Variants in DAPK1 observed in about 807,000 individuals in gnomAD.
DAPK1 encodes the protein death associated protein kinase 1, also known as death-associated protein kinase 1.
A neutral mutation model predicts 144.9 loss-of-function variants in DAPK1; 56 were observed. The ratio of observed to expected loss-of-function variants is 0.39; its 90% CI spans 0.31 to 0.48. DAPK1 has a LOEUF of 0.48. DAPK1 is among the 20% of genes least tolerant of loss of function. The pLI is 0.95. For synonymous variants in DAPK1, 690 were observed against 749.0 expected (o/e 0.92, Z 1.29); for missense variants, 1,454 against 1,875.4 (o/e 0.78, Z 4.15).
intron 2 of DAPK1, among the ~76,000 whole-genome samples, chr9:87,561,328 C>T (rs906290451): frequency 3.3e-5 from 5 of 152,076 alleles, no homozygotes; most frequent in African/African-American, 1.2e-4. Flanking sequence ...AGATCGAGAC[C>T]AGCCTGGCTA....
At chr9:87,528,679 G>A (rs1236181735) in intron 2 of DAPK1, among the ~76,000 whole-genome samples, 1 of 151,738 alleles carries the variant, frequency 6.6e-6, no homozygotes, top group Admixed American at 6.6e-5. Context: ...GCTCAGGCCT[G>A]GGCAACATGG....
At chr9:87,570,957 C>T (rs1181418498) in intron 2 of DAPK1, among the ~76,000 whole-genome samples, 1 of 152,162 alleles carries the variant, frequency 6.6e-6, no homozygotes, top group Non-Finnish European at 1.5e-5. Context: ...TAAACACCCC[C>T]AGGATTTGAG....
At position 87,708,593 on chromosome 9, in the gene DAPK1, T is replaced by C. The variant is rs1172977191; in HGVS notation, c.*1229T>C. On this transcript the variant is annotated 3_prime_UTR_variant, in exon 26 of 26. Transcript: ENST00000408954. Reference sequence around the variant, plus strand: ...TAAAATGTCGTTAAAAAGTTGTTTGTTTTTTTCTTTTTTTATAAATAAACT... The same window carrying C: ...TAAAATGTCGTTAAAAAGTTGTTTGCTTTTTTCTTTTTTTATAAATAAACT... 6.6e-6 allele frequency: 1 copy of C among 152,480 alleles called. No homozygotes were observed. The highest frequency in any genetic ancestry group is 1.5e-5 in the Non-Finnish European group (1 of 67,968). The allele number at this position is 152,480 out of a possible 1,614,324, so 9.4% of individuals were successfully genotyped here.
At chr9:87,614,472 T>C (rs1829029244) in intron 3 of DAPK1, among the ~76,000 whole-genome samples, 1 of 152,220 alleles carries the variant, frequency 6.6e-6, no homozygotes, top group African/African-American at 2.4e-5. Context: ...GTGACTATTC[T>C]TAGACTCCTT....
chr9:87,612,374 T>C (rs891754879), intron 3 of DAPK1, among the ~76,000 whole-genome samples: 1 of 152,202 alleles, frequency 6.6e-6, no homozygotes, highest in African/African-American at 2.4e-5. Context: ...AAGAAGGCCC[T>C]GTGGAGACAG....
chr9:87,518,107 T>TTTTTG (rs1554675841), intron 2 of DAPK1, among the ~76,000 whole-genome samples: 1 of 25,330 alleles, frequency 3.9e-5, no homozygotes, highest in African/African-American at 8.4e-5. Flanking sequence ...ATGTTGTTGT[T>TTTTTG]TTTTTTTTTT....
chr9:87,675,895 A>ACACACACACACACACACACACC (rs1179826339), intron 19 of DAPK1, among the ~76,000 whole-genome samples: 37 of 132,886 alleles, frequency 2.8e-4, no homozygotes, highest in African/African-American at 9.8e-4. Context: ...ACACACACAC[A>ACACACACACACACACACACACC]CCCTTATGAC....
intron 2 of DAPK1, among the ~76,000 whole-genome samples, chr9:87,552,078 A>G (rs1826511305): frequency 6.6e-6 from 1 of 152,032 alleles, no homozygotes. Flanking sequence ...CTCACCTTTC[A>G]GGCTGCTGGT....
chr9:87,636,093 G>A (rs1456248585), intron 3 of DAPK1, among the ~76,000 whole-genome samples: 1 of 152,238 alleles, frequency 6.6e-6, no homozygotes, highest in Non-Finnish European at 1.5e-5. Context: ...CAGTGTGGGG[G>A]CTGTGAGGCC....
chr9:87,519,800 T>C (rs1019202908), intron 2 of DAPK1, among the ~76,000 whole-genome samples: 2 of 152,088 alleles, frequency 1.3e-5, no homozygotes, highest in East Asian at 1.9e-4. Flanking sequence ...TCTGCACAGT[T>C]GTAACTGCTC....
At chr9:87,641,114 G>T (rs891026763) in intron 9 of DAPK1, among the ~76,000 whole-genome samples, 3 of 152,220 alleles carry the variant, frequency 2.0e-5, no homozygotes, top group African/African-American at 7.2e-5. Context: ...GACCTGTGGG[G>T]TGTTGGCCCA....
At chr9:87,571,911 G>A (rs1827376231) in intron 2 of DAPK1, among the ~76,000 whole-genome samples, 1 of 152,212 alleles carries the variant, frequency 6.6e-6, no homozygotes, top group South Asian at 2.1e-4. Flanking sequence ...CCAGCTCTTT[G>A]GTTGCAGACC....
chr9:87,646,619 C>A, intron 13 of DAPK1, 60 bp downstream of exon 13: 1 of 1,399,056 alleles, frequency 7.1e-7, no homozygotes, highest in South Asian at 1.2e-5. Flanking sequence ...GTCTCTTAAT[C>A]ATAGGGGTAA....
intron 2 of DAPK1, among the ~76,000 whole-genome samples, chr9:87,545,265 G>A (rs376105772): frequency 1.3e-5 from 2 of 152,138 alleles, no homozygotes; most frequent in East Asian, 1.9e-4. Context: ...TAGGAAGTGC[G>A]TAATGAGCTT....
At chr9:87,522,412 C>G (rs1432388013) in intron 2 of DAPK1, among the ~76,000 whole-genome samples, 1 of 152,144 alleles carries the variant, frequency 6.6e-6, no homozygotes, top group Non-Finnish European at 1.5e-5. Context: ...GAAATCGTAG[C>G]ATGTTATACA....
chr9:87,521,211 T>C (rs949669649), intron 2 of DAPK1, among the ~76,000 whole-genome samples: 3 of 152,222 alleles, frequency 2.0e-5, no homozygotes, highest in African/African-American at 7.2e-5. Flanking sequence ...CTGTATCACC[T>C]AAGGGTGTCT....
chr9:87,510,550 C>G (rs923436372), intron 2 of DAPK1, among the ~76,000 whole-genome samples: 5 of 152,220 alleles, frequency 3.3e-5, no homozygotes, highest in Non-Finnish European at 5.9e-5. Flanking sequence ...GAGTAGATAA[C>G]TGGCCACTTG....
chr9:87,543,460 G>A (rs756177992), intron 2 of DAPK1, among the ~76,000 whole-genome samples: 1 of 152,126 alleles, frequency 6.6e-6, no homozygotes, highest in Non-Finnish European at 1.5e-5. Flanking sequence ...GTTAATAAAT[G>A]TTCTCTGAAG....
intron 2 of DAPK1, among the ~76,000 whole-genome samples, chr9:87,548,038 G>A (rs1587707131): frequency 6.6e-6 from 1 of 152,158 alleles, no homozygotes; most frequent in South Asian, 2.1e-4. Context: ...GTACAGGGCC[G>A]GGCATTATTC....
Sources: allele counts gnomAD v4.1 joint callset (sites outside exome capture counted in the v4.1 genomes callset), GRCh38; gene constraint gnomAD v4.1.1; transcripts MANE v1.5; gene names NCBI Gene and HGNC (gene_info 2026-07-23, HGNC 2026-07-21).